Variants in GLIS3 observed in about 807,000 individuals in gnomAD.
GLIS3 encodes GLIS family zinc finger 3, also known as zinc finger protein GLIS3.
GLIS3 carries 53 observed loss-of-function variants against 78.6 expected under a neutral mutation model. The ratio of observed to expected loss-of-function variants is 0.67; its 90% CI spans 0.54 to 0.85. GLIS3 has a LOEUF of 0.85. Among genes scored for constraint, GLIS3 ranks in the 40% least tolerant of loss-of-function variants. The probability of loss-of-function intolerance (pLI) is 0.00; values close to 1 mark genes in which losing one functional copy is unlikely to be tolerated. For missense variants in GLIS3, 1,703 were observed against 1,231.1 expected, an observed-to-expected ratio of 1.38 and a Z score of -5.74; for synonymous variants, 684 against 509.9, an observed-to-expected ratio of 1.34 and a Z score of -4.60.
At chr9:4,445,987 CA>C in the GLIS3 span, among the ~76,000 whole-genome samples, 1 of 152,112 alleles carries the variant, frequency 6.6e-6, no homozygotes, top group Non-Finnish European at 1.5e-5. Context: ...CTAGAAATAC[CA>C]AAATTTTAGA....
chr9:4,236,433 C>A (rs1409497779), intron 2 of GLIS3, among the ~76,000 whole-genome samples: 1 of 152,146 alleles, frequency 6.6e-6, no homozygotes, highest in East Asian at 1.9e-4. Context: ...TTTCCCTTTT[C>A]CTCCCTTTTC....
intron 4 of GLIS3, among the ~76,000 whole-genome samples, chr9:3,952,134 C>T (rs1321024969): frequency 6.6e-6 from 1 of 152,264 alleles, no homozygotes; most frequent in Admixed American, 6.5e-5. Flanking sequence ...TTTGCATACT[C>T]CCTAGACTTT....
At chr9:4,130,770 G>C (rs1586757514) in intron 2 of GLIS3, among the ~76,000 whole-genome samples, 2 of 152,172 alleles carry the variant, frequency 1.3e-5, no homozygotes, top group African/African-American at 4.8e-5. Context: ...TGGGGTTGGA[G>C]CCTCCACACA....
the GLIS3 span, among the ~76,000 whole-genome samples, chr9:4,385,747 AAG>A: frequency 0.86 from 51,835 of 60,164 alleles, 22,462 homozygotes; most frequent in Non-Finnish European, 0.89. Flanking sequence ...AAAAGAAAGA[AAG>A]AAAGAAAGAA....
intron 2 of GLIS3, among the ~76,000 whole-genome samples, chr9:4,170,856 T>A (rs952932614): frequency 6.6e-6 from 1 of 152,178 alleles, no homozygotes; most frequent in Non-Finnish European, 1.5e-5. Flanking sequence ...GAAATCCTCA[T>A]GAATTCTCAT....
At chr9:4,335,831 C>G (rs4237152) in intron 2 of GLIS3, among the ~76,000 whole-genome samples, 150,059 of 152,308 alleles carry the variant, frequency 0.99, 73,959 homozygotes, top group Middle Eastern at 1. Context: ...CCAGATTTAA[C>G]AGGATAAGGT....
intron 2 of GLIS3, among the ~76,000 whole-genome samples, chr9:4,271,793 GA>G (rs1366366368): frequency 6.6e-6 from 1 of 152,160 alleles, no homozygotes; most frequent in Non-Finnish European, 1.5e-5. Flanking sequence ...AATGCTACCA[GA>G]AACTAGGCTC....
At chr9:4,101,930 C>G (rs564176634) in intron 4 of GLIS3, among the ~76,000 whole-genome samples, 1 of 152,322 alleles carries the variant, frequency 6.6e-6, no homozygotes, top group Admixed American at 6.5e-5. Flanking sequence ...TCCAAGGACA[C>G]AGATGCTGTA....
At chr9:4,140,884 C>T (rs555084358) in intron 2 of GLIS3, among the ~76,000 whole-genome samples, 84 of 152,018 alleles carry the variant, frequency 5.5e-4, no homozygotes, top group African/African-American at 1.9e-3. Flanking sequence ...CTGCAACCTC[C>T]GCCTCCTGGG....
At chr9:4,023,873 T>C (rs148000325) in intron 4 of GLIS3, among the ~76,000 whole-genome samples, 145 of 152,320 alleles carry the variant, frequency 9.5e-4, no homozygotes, top group African/African-American at 3.3e-3. Context: ...TAAAAACTCA[T>C]ACAGCATTTT....
the GLIS3 span, among the ~76,000 whole-genome samples, chr9:4,397,126 C>G: frequency 3.6e-5 from 5 of 139,302 alleles, no homozygotes; most frequent in Non-Finnish European, 6.1e-5. Flanking sequence ...CCTGGGTTCA[C>G]GCCATTCTCC....
chr9:3,891,266 T>C (rs563804422), intron 7 of GLIS3, among the ~76,000 whole-genome samples: 2 of 152,186 alleles, frequency 1.3e-5, no homozygotes, highest in African/African-American at 4.8e-5. Flanking sequence ...TTTATGTCAT[T>C]TAATCCAGCA....
At position 4,286,094 on chromosome 9, in the gene GLIS3, G is replaced by A. The variant is rs1029784328; in HGVS notation, c.332C>T (p.Thr111Ile). The A allele has an allele frequency of 1.2e-6, 2 of 1,613,592 alleles. No individual in the cohort carries two copies. The highest frequency in any genetic ancestry group is 8.5e-7 in the Non-Finnish European group (1 of 1,179,636). The change falls in exon 2 of 11, where the codon ACT becomes ATT. Residue 111 changes from threonine to isoleucine, a missense_variant. Thr to Ile is a moderately conservative substitution (Grantham distance 89, BLOSUM62 -1). Transcript: ENST00000381971. ...AAACTCCTGCTGCTTTGGCTTTAAA[G>A]TATGTGACCCTGACATGCCTCCAGC... ...TQAGGMSGSH[T>I]LKPKQQEFGS...
At chr9:3,900,318 G>C (rs1823197389) in intron 6 of GLIS3, among the ~76,000 whole-genome samples, 1 of 151,904 alleles carries the variant, frequency 6.6e-6, no homozygotes, top group South Asian at 2.1e-4. Flanking sequence ...AAACAGTAAT[G>C]AAGGTACAGT....
chr9:3,854,472 C>G (rs1351483744), intron 9 of GLIS3, among the ~76,000 whole-genome samples: 2 of 151,862 alleles, frequency 1.3e-5, no homozygotes, highest in Non-Finnish European at 2.9e-5. Flanking sequence ...TTCAAGGTCT[C>G]TTCCTTCCTA....
At chr9:4,092,811 T>C (rs1200134950) in intron 4 of GLIS3, among the ~76,000 whole-genome samples, 1 of 152,246 alleles carries the variant, frequency 6.6e-6, no homozygotes, top group Non-Finnish European at 1.5e-5. Flanking sequence ...TAATAAAACG[T>C]ATAGTATAGT....
intron 4 of GLIS3, among the ~76,000 whole-genome samples, chr9:4,114,912 C>G (rs985639256): frequency 1.3e-5 from 2 of 152,216 alleles, no homozygotes; most frequent in African/African-American, 4.8e-5. Context: ...CAGCCCTCCC[C>G]CAGTTCTGCC....
At chr9:4,217,219 A>G (rs1475389958) in intron 2 of GLIS3, among the ~76,000 whole-genome samples, 1 of 152,248 alleles carries the variant, frequency 6.6e-6, no homozygotes, top group African/African-American at 2.4e-5. Context: ...TCATGCTTCA[A>G]AAGAATGTGT....
chr9:4,092,318 A>AT (rs1159151178), intron 4 of GLIS3, among the ~76,000 whole-genome samples: 4 of 151,430 alleles, frequency 2.6e-5, no homozygotes, highest in South Asian at 2.1e-4. Flanking sequence ...TGCCTGGCTC[A>AT]TTTTTTTGTA....
Sources: allele counts gnomAD v4.1 joint callset (sites outside exome capture counted in the v4.1 genomes callset), GRCh38; gene constraint gnomAD v4.1.1; transcripts MANE v1.5; gene names NCBI Gene and HGNC (gene_info 2026-07-23, HGNC 2026-07-21).